BCAR3: variants seen among roughly 807,000 people sequenced by gnomAD.
BCAR3 encodes BCAR3 adaptor protein, NSP family member.
BCAR3 carries 37 observed loss-of-function variants against 80.1 expected under a neutral mutation model. The observed-to-expected ratio is 0.46, with a 90% CI of 0.36 to 0.61. The LOEUF is 0.61. BCAR3 is among the 20% of genes least tolerant of loss of function. The pLI is 0.00. For synonymous variants in BCAR3, 389 were observed against 418.9 expected (o/e 0.93, Z 0.87); for missense variants, 978 against 1,068.2 (o/e 0.92, Z 1.18).
chr1:93,769,499 T>C (rs1025348651), intron 2 of BCAR3, among the ~76,000 whole-genome samples: 4 of 151,682 alleles, frequency 2.6e-5, no homozygotes, highest in East Asian at 1.9e-4. Flanking sequence ...CTGATTCCCC[T>C]TGAGGACAGA....
chr1:93,829,370 C>T lies in BCAR3; in HGVS notation c.-63+16197G>A, dbSNP rs114624017. ...GTGACAAGGAAAAGAGGGTGAGAGA[C>T]CTGGTGACAAGGAAAAGAGGGTGGG... On this transcript the variant is annotated intron_variant, in intron 2 of 13. Transcript: ENST00000370244. Among the ~76,000 whole-genome samples, 1,464 of 152,072 alleles carry T rather than the reference C, an allele frequency of 9.6e-3. 14 individuals carry two copies. The highest frequency in any genetic ancestry group is 0.024 in the Middle Eastern group (7 of 294).
At chr1:93,660,114 C>T (rs1381446410) in intron 2 of BCAR3, among the ~76,000 whole-genome samples, 1 of 151,838 alleles carries the variant, frequency 6.6e-6, no homozygotes, top group Non-Finnish European at 1.5e-5. Context: ...CCTAGACCTT[C>T]CTCCCACTAC....
chr1:93,766,807 C>A (rs1652167163), intron 2 of BCAR3, among the ~76,000 whole-genome samples: 1 of 152,154 alleles, frequency 6.6e-6, no homozygotes, highest in Admixed American at 6.5e-5. Flanking sequence ...TTAACTGGGG[C>A]CAATTCACTA....
chr1:93,600,359 G>A (rs1393464332), intron 3 of BCAR3, among the ~76,000 whole-genome samples: 2 of 152,198 alleles, frequency 1.3e-5, no homozygotes, highest in African/African-American at 2.4e-5. Flanking sequence ...GGCTGTGGAT[G>A]CAAACAGGAA....
chr1:93,662,498 C>A (rs76334398), intron 2 of BCAR3, among the ~76,000 whole-genome samples: 4,339 of 152,078 alleles, frequency 0.029, 95 homozygotes, highest in East Asian at 0.076. Context: ...TTGCTCTGAC[C>A]TATTAACAAT....
intron 2 of BCAR3, among the ~76,000 whole-genome samples, chr1:93,787,522 T>C (rs1652991232): frequency 6.6e-6 from 1 of 152,214 alleles, no homozygotes; most frequent in African/African-American, 2.4e-5. Flanking sequence ...ACTAACATCA[T>C]TCAGCTCAAA....
chr1:93,696,726 C>A (rs992417111), intron 3 of BCAR3, among the ~76,000 whole-genome samples: 4 of 152,206 alleles, frequency 2.6e-5, no homozygotes, highest in African/African-American at 9.6e-5. Context: ...CCTGAACTCA[C>A]CCTTTATTTG....
In BCAR3 at chr1:93,616,294, G is replaced by A. The variant is rs75403491; in HGVS notation, c.358-23901C>T. On this transcript the variant is annotated intron_variant, in intron 3 of 11. Transcript: ENST00000260502. Reference sequence around the variant, plus strand: ...TTTCACACCAAAAATAATTTCTGAAGCAGCACTCAAAGGTTTTAATCAATT... The same window carrying A: ...TTTCACACCAAAAATAATTTCTGAAACAGCACTCAAAGGTTTTAATCAATT... 1.2e-3 allele frequency among the ~76,000 whole-genome samples: 182 copies of A among 152,254 alleles called. 3 individuals are homozygous for A. In the East Asian group the frequency reaches 0.032, roughly 27 times the overall value.
intron 3 of BCAR3, chr1:93,613,873 G>A (rs1389001335): frequency 3.2e-6 from 5 of 1,550,462 alleles, no homozygotes; most frequent in Non-Finnish European, 4.4e-6. Flanking sequence ...GACTTGCGGT[G>A]ATAGAAGCAG....
chr1:93,647,449 T>C (rs537870450), intron 2 of BCAR3, among the ~76,000 whole-genome samples: 1 of 152,296 alleles, frequency 6.6e-6, no homozygotes, highest in East Asian at 1.9e-4. Flanking sequence ...TTTAAGATGT[T>C]TAAACAAGCT....
chr1:93,622,478 C>T (rs991455537), intron 3 of BCAR3, among the ~76,000 whole-genome samples: 3 of 152,182 alleles, frequency 2.0e-5, no homozygotes, highest in African/African-American at 7.2e-5. Context: ...GGCAGCAGAT[C>T]TCATCTGCAA....
intron 2 of BCAR3, among the ~76,000 whole-genome samples, chr1:93,845,049 T>G (rs1039490526): frequency 2.6e-5 from 4 of 152,216 alleles, no homozygotes; most frequent in Non-Finnish European, 4.4e-5. Context: ...ATTATTCGTT[T>G]GAATCATTAA....
At chr1:93,566,281 G>C (rs1283786744) in intron 11 of BCAR3, among the ~76,000 whole-genome samples, 2 of 152,050 alleles carry the variant, frequency 1.3e-5, no homozygotes, top group African/African-American at 2.4e-5. Flanking sequence ...CTGCTTGCTG[G>C]TAACTGCTTT....
At chr1:93,629,485 A>G (rs1445234975) in intron 3 of BCAR3, among the ~76,000 whole-genome samples, 1 of 152,244 alleles carries the variant, frequency 6.6e-6, no homozygotes, top group Non-Finnish European at 1.5e-5. Flanking sequence ...AATTCTAATA[A>G]TAAAATTCCT....
chr1:93,747,978 C>T (rs1173487728), intron 2 of BCAR3, among the ~76,000 whole-genome samples: 2 of 147,860 alleles, frequency 1.4e-5, no homozygotes, highest in African/African-American at 2.7e-5. Context: ...TGAGAACCAA[C>T]CCTGGTGGTT....
At chr1:93,627,140 C>T (rs1240445476) in intron 3 of BCAR3, among the ~76,000 whole-genome samples, 3 of 152,092 alleles carry the variant, frequency 2.0e-5, no homozygotes, top group Admixed American at 6.6e-5. Flanking sequence ...CTGATGAGAT[C>T]GGTGGTCATA....
chr1:93,580,115 T>C (rs1408452543), intron 7 of BCAR3, among the ~76,000 whole-genome samples: 5 of 152,232 alleles, frequency 3.3e-5, no homozygotes, highest in Non-Finnish European at 7.3e-5. Flanking sequence ...CTCTGGTTTC[T>C]GAGTCATCCC....
At position 93,561,972 on chromosome 1, in the gene BCAR3, A is replaced by C; in HGVS notation, c.*269T>G. On this transcript the variant is annotated 3_prime_UTR_variant, in exon 12 of 12. Transcript: ENST00000260502. ...CCATGATAATAGAAAGCAACCAGCC[A>C]ACATAGCTAGGTCTTCTCTTAAATT... is the stretch of plus-strand genomic sequence containing the variant. 1 of 290,176 alleles carries C rather than the reference A, an allele frequency of 3.4e-6. No homozygotes were observed. The highest frequency in any genetic ancestry group is 4.9e-5 in the Admixed American group (1 of 20,392). The allele number at this position is 290,176 out of a possible 1,614,324, so 18.0% of individuals were successfully genotyped here.
intron 2 of BCAR3, among the ~76,000 whole-genome samples, chr1:93,825,715 A>G (rs555641517): frequency 6.6e-6 from 1 of 152,260 alleles, no homozygotes; most frequent in East Asian, 1.9e-4. Context: ...CCCCCAGGCC[A>G]TGCGAGCAGA....
Sources: gnomAD v4.1 joint callset for allele counts (sites outside exome capture counted in the v4.1 genomes callset) on GRCh38, gnomAD v4.1.1 for gene constraint, MANE v1.5 for transcripts, NCBI Gene and HGNC (gene_info 2026-07-23, HGNC 2026-07-21) for gene names.